Variants in SLC6A11 observed in about 807,000 individuals in gnomAD.
SLC6A11 encodes sodium- and chloride-dependent GABA transporter 3.
A neutral mutation model predicts 74.8 loss-of-function variants in SLC6A11; 25 were observed. The observed-to-expected ratio is 0.33, with a 90% CI of 0.24 to 0.47. The LOEUF (loss-of-function observed/expected upper bound fraction) is 0.47. SLC6A11 is among the 20% of genes least tolerant of loss of function. The pLI, the probability that SLC6A11 is intolerant of heterozygous loss-of-function variation, is 1.00. For synonymous variants in SLC6A11, 330 were observed against 330.2 expected (o/e 1.00, Z 0.01); for missense variants, 574 against 837.0 (o/e 0.69, Z 3.88).
chr3:10,875,479 A>G (rs949107791), intron 6 of SLC6A11, among the ~76,000 whole-genome samples: 4 of 152,238 alleles, frequency 2.6e-5, no homozygotes, highest in African/African-American at 7.2e-5. Context: ...ACTGCAGTTC[A>G]TTGCCTGCAT....
intron 4 of SLC6A11, among the ~76,000 whole-genome samples, chr3:10,826,548 C>T (rs984100390): frequency 6.6e-6 from 1 of 152,180 alleles, no homozygotes; most frequent in Non-Finnish European, 1.5e-5. Flanking sequence ...TTAATTAAAT[C>T]ATTATTTGTA....
chr3:10,927,533 G>A (rs1023043960), intron 9 of SLC6A11, among the ~76,000 whole-genome samples: 3 of 152,194 alleles, frequency 2.0e-5, no homozygotes, highest in African/African-American at 7.2e-5. Flanking sequence ...TGACTTGCTC[G>A]GTCGTGTACC....
At chr3:10,925,969 C>T in intron 8 of SLC6A11, 35 bp from the exon 9 acceptor site, 2 of 1,196,586 alleles carry the variant, frequency 1.7e-6, no homozygotes, top group Middle Eastern at 1.9e-4. Flanking sequence ...GGATGGGACT[C>T]CACCCAGTGG....
chr3:10,827,588 T>C (rs1213358992), intron 4 of SLC6A11, among the ~76,000 whole-genome samples: 1 of 152,208 alleles, frequency 6.6e-6, no homozygotes, highest in Non-Finnish European at 1.5e-5. Context: ...CAGGGCCACA[T>C]TGCTCAGTCA....
chr3:10,823,836 G>A (rs1422225869), intron 4 of SLC6A11: 1 of 170,748 alleles, frequency 5.9e-6, no homozygotes, highest in African/African-American at 2.4e-5. Flanking sequence ...TTAATGGATA[G>A]AGATTATAAA....
intron 4 of SLC6A11, chr3:10,825,645 A>G (rs570748489): frequency 1.3e-5 from 2 of 152,242 alleles, no homozygotes; most frequent in Admixed American, 6.5e-5. Context: ...AAAATTTTCC[A>G]TATTTTCTTC....
intron 6 of SLC6A11, among the ~76,000 whole-genome samples, chr3:10,878,273 C>T (rs1009457526): frequency 6.6e-6 from 1 of 152,170 alleles, no homozygotes; most frequent in Non-Finnish European, 1.5e-5. Context: ...TTGACCTCCT[C>T]TCTGGGCATC....
intron 6 of SLC6A11, among the ~76,000 whole-genome samples, chr3:10,900,014 T>G (rs902753420): frequency 3.9e-5 from 6 of 152,214 alleles, no homozygotes; most frequent in African/African-American, 1.4e-4. Flanking sequence ...ATAGCTACAC[T>G]GAAGGCAGAA....
At chr3:10,851,772 C>T (rs1056400268) in intron 5 of SLC6A11, among the ~76,000 whole-genome samples, 6 of 152,218 alleles carry the variant, frequency 3.9e-5, no homozygotes, top group South Asian at 4.1e-4. Context: ...CAGGGAGGAG[C>T]TGGGAGGGGC....
chr3:10,833,858 T>C (rs1694330612), intron 4 of SLC6A11, among the ~76,000 whole-genome samples: 1 of 152,096 alleles, frequency 6.6e-6, no homozygotes, highest in Non-Finnish European at 1.5e-5. Context: ...GCCAGACGGG[T>C]ATTTGTATTT....
At chr3:10,858,889 C>CAG (rs145149506) in intron 5 of SLC6A11, among the ~76,000 whole-genome samples, 8 of 151,458 alleles carry the variant, frequency 5.3e-5, no homozygotes, top group East Asian at 1.9e-4. Flanking sequence ...TGGGATTGTC[C>CAG]AGAGAGAGAG....
chr3:10,937,741 C>T (rs1230447323), intron 13 of SLC6A11, among the ~76,000 whole-genome samples: 1 of 152,190 alleles, frequency 6.6e-6, no homozygotes, highest in Non-Finnish European at 1.5e-5. Flanking sequence ...AATGCTTCTA[C>T]CTTTGAGCAC....
At chr3:10,893,683 C>G (rs772497185) in intron 6 of SLC6A11, among the ~76,000 whole-genome samples, 28 of 152,112 alleles carry the variant, frequency 1.8e-4, no homozygotes, top group Non-Finnish European at 3.8e-4. Flanking sequence ...CTCCAGTTCC[C>G]ACTGTGGGAC....
chr3:10,834,355 T>G (rs1458226746), intron 4 of SLC6A11, among the ~76,000 whole-genome samples: 1 of 151,788 alleles, frequency 6.6e-6, no homozygotes, highest in African/African-American at 2.4e-5. Context: ...TTTTTTTGTT[T>G]TTTTTTTCAG....
intron 4 of SLC6A11, among the ~76,000 whole-genome samples, chr3:10,833,064 T>C (rs945561086): frequency 6.8e-6 from 1 of 147,988 alleles, no homozygotes; most frequent in Admixed American, 6.7e-5. Context: ...TGCCAATTAA[T>C]TTTTTTTTCT....
At chr3:10,874,881 C>G in intron 5 of SLC6A11, 80 bp from the exon 6 acceptor site, 2 of 1,426,098 alleles carry the variant, frequency 1.4e-6, no homozygotes, top group Non-Finnish European at 9.5e-7. Flanking sequence ...GCAACATGCA[C>G]CCAAAGGACA....
At chr3:10,910,156 T>C (rs1695367513) in intron 6 of SLC6A11, among the ~76,000 whole-genome samples, 1 of 152,164 alleles carries the variant, frequency 6.6e-6, no homozygotes, top group Non-Finnish European at 1.5e-5. Flanking sequence ...CCAGTGATAC[T>C]ATTGTTAGAG....
intron 5 of SLC6A11, among the ~76,000 whole-genome samples, chr3:10,861,947 C>G (rs3774114): frequency 0.065 from 9,906 of 152,248 alleles, 570 homozygotes; most frequent in South Asian, 0.15. Flanking sequence ...GGAGGAGAGT[C>G]TGCCTTTCAG....
intron 4 of SLC6A11, among the ~76,000 whole-genome samples, chr3:10,829,346 A>G (rs1694261290): frequency 6.6e-6 from 1 of 152,136 alleles, no homozygotes; most frequent in South Asian, 2.1e-4. Flanking sequence ...CCTCATCTCT[A>G]CAGGTACAGA....
Sources: allele counts gnomAD v4.1 joint callset (sites outside exome capture counted in the v4.1 genomes callset), GRCh38; gene constraint gnomAD v4.1.1; transcripts MANE v1.5; gene names NCBI Gene and HGNC (gene_info 2026-07-23, HGNC 2026-07-21).